HECW1: variants seen among roughly 807,000 people sequenced by gnomAD.
HECW1 encodes the protein E3 ubiquitin-protein ligase HECW1.
A neutral mutation model predicts 182.3 loss-of-function variants in HECW1; 61 were observed. The ratio of observed to expected loss-of-function variants is 0.33; its 90% CI spans 0.27 to 0.41. The LOEUF is 0.41. Among genes scored for constraint, HECW1 ranks in the 10% least tolerant of loss-of-function variants. HECW1 has a pLI of 1.00. For synonymous variants in HECW1, 859 were observed against 832.6 expected, an observed-to-expected ratio of 1.03 and a Z score of -0.55; for missense variants, 1,739 against 2,108.9, an observed-to-expected ratio of 0.82 and a Z score of 3.44.
chr7:43,382,464 ACTC>A (rs762615038), intron 6 of HECW1, among the ~76,000 whole-genome samples: 5 of 152,160 alleles, frequency 3.3e-5, no homozygotes, highest in Non-Finnish European at 5.9e-5. Context: ...CTCTGGGACT[ACTC>A]CAGCTCTCTG....
At chr7:43,528,492 A>G (rs1022268135) in intron 24 of HECW1, among the ~76,000 whole-genome samples, 4 of 152,380 alleles carry the variant, frequency 2.6e-5, no homozygotes, top group African/African-American at 9.6e-5. Flanking sequence ...GGGTCAAAAA[A>G]TATCACACTT....
intron 2 of HECW1, among the ~76,000 whole-genome samples, chr7:43,155,370 G>GA (rs914080086): frequency 2.6e-5 from 4 of 152,014 alleles, no homozygotes; most frequent in African/African-American, 4.8e-5. Context: ...AGTTGGAGGG[G>GA]AAAAAAGGAG....
intron 2 of HECW1, among the ~76,000 whole-genome samples, chr7:43,211,049 C>A (rs1222234318): frequency 6.6e-6 from 1 of 152,222 alleles, no homozygotes; most frequent in Admixed American, 6.5e-5. Context: ...GCAGTGCTCT[C>A]AGGCGATAGA....
intron 3 of HECW1, among the ~76,000 whole-genome samples, chr7:43,299,492 A>C (rs1806464795): frequency 6.6e-6 from 1 of 152,156 alleles, no homozygotes; most frequent in African/African-American, 2.4e-5. Context: ...TTTGTCCGTG[A>C]GTTCAAAGGT....
At chr7:43,357,229 T>C (rs1263254810) in intron 5 of HECW1, among the ~76,000 whole-genome samples, 1 of 152,180 alleles carries the variant, frequency 6.6e-6, no homozygotes, top group Non-Finnish European at 1.5e-5. Flanking sequence ...ACAGGGTATA[T>C]AGCAAAAGAA....
chr7:43,440,167 C>T (rs991394626), intron 9 of HECW1: 15 of 152,444 alleles, frequency 9.8e-5, no homozygotes, highest in African/African-American at 3.6e-4. Context: ...AGAGTGCACC[C>T]ACAACAAAAG....
At chr7:43,355,088 A>G (rs1197657007) in intron 5 of HECW1, among the ~76,000 whole-genome samples, 2 of 152,092 alleles carry the variant, frequency 1.3e-5, no homozygotes, top group Non-Finnish European at 2.9e-5. Context: ...TCCTTCAAAT[A>G]CAGAAAAGAG....
At chr7:43,190,301 A>G (rs1279217369) in intron 2 of HECW1, among the ~76,000 whole-genome samples, 1 of 152,094 alleles carries the variant, frequency 6.6e-6, no homozygotes, top group Non-Finnish European at 1.5e-5. Flanking sequence ...TTTAGTAGAG[A>G]TGGGGTTTTA....
At chr7:43,544,495 CCTT>C (rs374273665) in intron 26 of HECW1, among the ~76,000 whole-genome samples, 1 of 152,280 alleles carries the variant, frequency 6.6e-6, no homozygotes, top group East Asian at 1.9e-4. Context: ...GAGAAACAGA[CCTT>C]CTTGTCCATT....
intron 3 of HECW1, among the ~76,000 whole-genome samples, chr7:43,292,592 T>C (rs1214902127): frequency 6.6e-6 from 1 of 152,146 alleles, no homozygotes; most frequent in Non-Finnish European, 1.5e-5. Flanking sequence ...GAGAGGGAGC[T>C]CAGGGGACAG....
intron 2 of HECW1, among the ~76,000 whole-genome samples, chr7:43,153,222 T>G (rs1169227548): frequency 1.6e-4 from 25 of 152,182 alleles, no homozygotes; most frequent in Non-Finnish European, 2.2e-4. Context: ...ATATATGGAT[T>G]GTTTCATTGT....
chr7:43,516,501 C>G (rs1225479258), intron 24 of HECW1, among the ~76,000 whole-genome samples: 1 of 152,216 alleles, frequency 6.6e-6, no homozygotes, highest in East Asian at 1.9e-4. Context: ...CTCCTACCAA[C>G]TATTCTCTCT....
intron 3 of HECW1, chr7:43,249,317 TG>T (rs1376594338): frequency 6.6e-6 from 1 of 152,490 alleles, no homozygotes; most frequent in African/African-American, 2.4e-5. Context: ...GCAGCACCCC[TG>T]AAGGACCACG....
chr7:43,245,083 AG>A (rs1324839760), intron 3 of HECW1, among the ~76,000 whole-genome samples: 6 of 152,242 alleles, frequency 3.9e-5, no homozygotes, highest in African/African-American at 1.4e-4. Flanking sequence ...TGTTGGATTA[AG>A]GAAGCATTAA....
At chr7:43,247,329 G>T (rs1799468614) in intron 3 of HECW1, among the ~76,000 whole-genome samples, 1 of 152,162 alleles carries the variant, frequency 6.6e-6, no homozygotes, top group Non-Finnish European at 1.5e-5. Flanking sequence ...AAAATTTGAG[G>T]GATCATAACA....
chr7:43,234,548 A>G (rs1484731561), intron 2 of HECW1, among the ~76,000 whole-genome samples: 1 of 152,124 alleles, frequency 6.6e-6, no homozygotes, highest in Non-Finnish European at 1.5e-5. Context: ...TTGGGCAGGA[A>G]TGGACACTTC....
intron 8 of HECW1, among the ~76,000 whole-genome samples, chr7:43,431,272 T>C (rs1297081334): frequency 6.6e-6 from 1 of 152,174 alleles, no homozygotes; most frequent in Non-Finnish European, 1.5e-5. Flanking sequence ...CAGTCTTCTA[T>C]CCTTCCATGC....
intron 6 of HECW1, among the ~76,000 whole-genome samples, chr7:43,370,297 A>G (rs113461334): frequency 2.0e-5 from 3 of 152,350 alleles, no homozygotes; most frequent in African/African-American, 7.2e-5. Flanking sequence ...AATTAAAACA[A>G]TGAGGTACCA....
intron 6 of HECW1, among the ~76,000 whole-genome samples, chr7:43,365,237 G>T (rs953450498): frequency 3.3e-5 from 5 of 152,250 alleles, no homozygotes; most frequent in African/African-American, 7.2e-5. Flanking sequence ...GTAAGTGAGA[G>T]TCTTTCAAGT....
Sources: gnomAD v4.1 joint callset for allele counts (sites outside exome capture counted in the v4.1 genomes callset) on GRCh38, gnomAD v4.1.1 for gene constraint, MANE v1.5 for transcripts, NCBI Gene and HGNC (gene_info 2026-07-23, HGNC 2026-07-21) for gene names.